PTPRN2: variants seen among roughly 807,000 people sequenced by gnomAD.
PTPRN2 encodes the protein protein tyrosine phosphatase receptor type N2.
Under a neutral mutation model 118.8 loss-of-function variants are expected in PTPRN2, and 74 were observed. The ratio of observed to expected loss-of-function variants is 0.62; its 90% CI spans 0.52 to 0.76. PTPRN2 has a LOEUF of 0.76. PTPRN2 is among the 30% of genes least tolerant of loss of function. The probability of loss-of-function intolerance (pLI) is 0.00; values close to 1 mark genes in which losing one functional copy is unlikely to be tolerated. For synonymous variants in PTPRN2, 641 were observed against 608.0 expected, an observed-to-expected ratio of 1.05 and a Z score of -0.80; for missense variants, 1,481 against 1,394.4, an observed-to-expected ratio of 1.06 and a Z score of -0.99.
intron 2 of PTPRN2, among the ~76,000 whole-genome samples, chr7:158,337,043 A>G (rs1805720616): frequency 1.3e-5 from 1 of 75,202 alleles, no homozygotes; most frequent in Non-Finnish European, 3.4e-5. Context: ...GACATCACTC[A>G]CACCCACACT....
chr7:158,518,260 T>C (rs1823715086), intron 1 of PTPRN2, among the ~76,000 whole-genome samples: 1 of 152,040 alleles, frequency 6.6e-6, no homozygotes, highest in Non-Finnish European at 1.5e-5. Context: ...CGATATGGAT[T>C]TCACAGGGTG....
intron 2 of PTPRN2, among the ~76,000 whole-genome samples, chr7:158,366,117 C>T (rs1266216599): frequency 1.4e-5 from 2 of 141,838 alleles, no homozygotes; most frequent in Middle Eastern, 4.2e-3. Flanking sequence ...AGCTGCAGCC[C>T]AATGCACGCG....
intron 3 of PTPRN2, among the ~76,000 whole-genome samples, chr7:158,262,265 G>C (rs539342997): frequency 6.6e-6 from 1 of 151,996 alleles, no homozygotes; most frequent in African/African-American, 2.4e-5. Flanking sequence ...GATGCACACT[G>C]CAACACATAT....
intron 11 of PTPRN2, among the ~76,000 whole-genome samples, chr7:157,914,304 CT>C (rs1434207157): frequency 6.6e-6 from 1 of 151,922 alleles, no homozygotes; most frequent in East Asian, 1.9e-4. Flanking sequence ...GGTGTAGAGC[CT>C]TTTTCACTCC....
intron 1 of PTPRN2, among the ~76,000 whole-genome samples, chr7:158,493,381 ACACT>A (rs1287495223): frequency 1.4e-5 from 2 of 139,120 alleles, no homozygotes; most frequent in Non-Finnish European, 3.1e-5. Flanking sequence ...ACACATGCAC[ACACT>A]CATACATGTG....
chr7:158,527,495 G>A (rs1386147734), intron 1 of PTPRN2, among the ~76,000 whole-genome samples: 1 of 152,222 alleles, frequency 6.6e-6, no homozygotes, highest in East Asian at 1.9e-4. Context: ...ACCAGCCCCA[G>A]GCCATGGGCT....
At chr7:157,979,476 C>T (rs547905404) in intron 11 of PTPRN2, among the ~76,000 whole-genome samples, 4 of 152,148 alleles carry the variant, frequency 2.6e-5, no homozygotes, top group Admixed American at 1.3e-4. Flanking sequence ...GCTGAGTGTC[C>T]GCTATGCACT....
intron 2 of PTPRN2, among the ~76,000 whole-genome samples, chr7:158,364,162 C>A (rs956733532): frequency 4.0e-5 from 6 of 151,230 alleles, no homozygotes; most frequent in African/African-American, 1.5e-4. Flanking sequence ...ATCCTCACTT[C>A]ATCTGCCTCT....
chr7:158,411,848 T>C lies in PTPRN2; in HGVS notation c.163+77887A>G, dbSNP rs150452127. Among the ~76,000 whole-genome samples the C allele has an allele frequency of 3.8e-3, 573 of 152,210 alleles. 5 individuals carry two copies. Among genetic ancestry groups the C allele is most frequent in the African/African-American group, 0.013 (544 of 41,496 alleles). On this transcript the variant is annotated intron_variant, in intron 2 of 22. Transcript: ENST00000389418. ...TGCTTCTCTGTGGCTCAGGGGACAA[T>C]AGGCCCATCTCGTTAGGCTGCCGTG... is the stretch of plus-strand genomic sequence containing the variant.
intron 1 of PTPRN2, among the ~76,000 whole-genome samples, chr7:158,502,544 C>T (rs1042062578): frequency 2.2e-4 from 33 of 152,196 alleles, no homozygotes; most frequent in Non-Finnish European, 3.5e-4. Flanking sequence ...CTCCTCGGGA[C>T]GCCTTCCTCC....
At chr7:157,554,031 G>A (rs1209613079) in intron 21 of PTPRN2, among the ~76,000 whole-genome samples, 21 of 122,548 alleles carry the variant, frequency 1.7e-4, no homozygotes, top group African/African-American at 5.2e-4. Context: ...CAGGCCGGGC[G>A]CCGGATCCTG....
rs377646191 is a variant in PTPRN2, at chr7:157,927,206, G to A, written c.1724-28469C>T. ...GCCTCGCGTCTTCTGGGACCCCAAA[G>A]ACAGGAAGCCCCAGGGACCCGTCTG... On this transcript the variant is annotated intron_variant, in intron 11 of 22. Transcript: ENST00000389418. 5.5e-5 allele frequency among the ~76,000 whole-genome samples: 3 copies of A among 54,716 alleles called. No homozygotes were observed. In the East Asian group the frequency reaches 1.7e-3, roughly 31 times the overall value. The allele number at this position is 54,716 out of a possible 152,430, so 35.9% of individuals were successfully genotyped here.
chr7:157,630,133 C>T (rs888626503), intron 14 of PTPRN2, among the ~76,000 whole-genome samples: 3 of 152,144 alleles, frequency 2.0e-5, no homozygotes, highest in Non-Finnish European at 2.9e-5. Context: ...GTTGATTGTC[C>T]TGGCTCAGCA....
intron 6 of PTPRN2, among the ~76,000 whole-genome samples, chr7:158,162,802 G>T (rs73173652): frequency 2.0e-5 from 3 of 152,162 alleles, no homozygotes; most frequent in Non-Finnish European, 4.4e-5. Context: ...TTTGTCATAT[G>T]CGTTCAGCCC....
At chr7:158,524,173 T>G (rs1412977998) in intron 1 of PTPRN2, among the ~76,000 whole-genome samples, 1 of 45,926 alleles carries the variant, frequency 2.2e-5, no homozygotes, top group Non-Finnish European at 3.9e-5. Context: ...TGGAGTGGAG[T>G]CGTCTACCCT....
chr7:158,044,514 GCA>G (rs2128891925), intron 11 of PTPRN2, among the ~76,000 whole-genome samples: 2 of 152,324 alleles, frequency 1.3e-5, no homozygotes, highest in South Asian at 2.1e-4. Context: ...ACCAAAGAGA[GCA>G]CAGTCTCCAG....
chr7:157,654,118 A>C (rs936072017), intron 14 of PTPRN2, among the ~76,000 whole-genome samples: 24 of 4,830 alleles, frequency 5.0e-3, no homozygotes, highest in Admixed American at 8.1e-3. Flanking sequence ...CCCCACACCC[A>C]CCCCAACTCC....
At chr7:157,870,152 C>T (rs957342122) in intron 12 of PTPRN2, among the ~76,000 whole-genome samples, 5 of 152,280 alleles carry the variant, frequency 3.3e-5, no homozygotes, top group Admixed American at 2.0e-4. Context: ...GGTTTTGGAA[C>T]CCATGGAGTG....
chr7:158,455,204 G>T (rs112636683), intron 2 of PTPRN2, among the ~76,000 whole-genome samples: 11 of 152,186 alleles, frequency 7.2e-5, no homozygotes, highest in South Asian at 6.2e-4. Flanking sequence ...TAACGGCACG[G>T]ACGCCATCGG....
Sources: allele counts gnomAD v4.1 joint callset (sites outside exome capture counted in the v4.1 genomes callset), GRCh38; gene constraint gnomAD v4.1.1; transcripts MANE v1.5; gene names NCBI Gene and HGNC (gene_info 2026-07-23, HGNC 2026-07-21).